The following CLSTN2 variants were observed in gnomAD, a reference collection of about 807,000 sequenced individuals.
The protein encoded by CLSTN2 is calsyntenin-2.
A neutral mutation model predicts 101.2 loss-of-function variants in CLSTN2; 48 were observed. That is an observed-to-expected ratio of 0.47 (90% CI 0.38 to 0.60). CLSTN2 has a LOEUF of 0.60. CLSTN2 is among the 20% of genes least tolerant of loss of function. CLSTN2 has a pLI of 0.00. For synonymous variants in CLSTN2, 481 were observed against 463.6 expected (o/e 1.04, Z -0.48); for missense variants, 1,160 against 1,238.2 (o/e 0.94, Z 0.95).
At chr3:140,381,768 A>G (rs1025066107) in intron 2 of CLSTN2, among the ~76,000 whole-genome samples, 1 of 152,240 alleles carries the variant, frequency 6.6e-6, no homozygotes, top group Non-Finnish European at 1.5e-5. Context: ...TGCCAGAAAC[A>G]GGCTGGTGAT....
At chr3:140,046,571 T>C (rs924898494) in intron 1 of CLSTN2, among the ~76,000 whole-genome samples, 7 of 152,364 alleles carry the variant, frequency 4.6e-5, no homozygotes, top group African/African-American at 1.2e-4. Context: ...GTTAGCTGGT[T>C]ATTTTGCTCG....
At chr3:140,154,553 C>T (rs545205591) in intron 1 of CLSTN2, among the ~76,000 whole-genome samples, 19 of 151,410 alleles carry the variant, frequency 1.3e-4, no homozygotes, top group South Asian at 6.3e-4. Flanking sequence ...GGGAGGCCTC[C>T]GGAAACTTAC....
chr3:140,086,822 G>T (rs2008690806), intron 1 of CLSTN2, among the ~76,000 whole-genome samples: 1 of 152,168 alleles, frequency 6.6e-6, no homozygotes, highest in Admixed American at 6.5e-5. Context: ...CTGTTTCACA[G>T]CTGTCTTTGA....
chr3:140,208,955 T>A (rs1365621364), intron 2 of CLSTN2, among the ~76,000 whole-genome samples: 3 of 152,184 alleles, frequency 2.0e-5, no homozygotes, highest in South Asian at 2.1e-4. Context: ...TCTGGCTATT[T>A]CACAGTCTGA....
In CLSTN2 at chr3:140,459,561, C is replaced by T. The variant is rs750329475; in HGVS notation, c.1014C>T (p.Ser338=). The T allele has an allele frequency of 2.8e-5, 45 of 1,613,940 alleles. No homozygotes were observed. Among genetic ancestry groups the T allele is most frequent in the South Asian group, 4.4e-5 (4 of 91,082 alleles). The part of the protein sequence containing the change: ...SGIIDLLPSP[S]AATNWTAGLL... ...TCATTGACCTCTTGCCATCCCCTAG[C>T]GCTGCCACCAACTGGACTGCAGGAC... The change falls in exon 7 of 17, where the codon AGC becomes AGT. Residue 338 remains serine (S), a synonymous_variant. Coordinates refer to ENST00000458420, the MANE Select transcript of CLSTN2 (RefSeq NM_022131.3).
chr3:140,165,063 C>G (rs918733118), intron 1 of CLSTN2, among the ~76,000 whole-genome samples: 7 of 152,126 alleles, frequency 4.6e-5, no homozygotes, highest in Non-Finnish European at 7.4e-5. Context: ...AGCCATCTGT[C>G]CTTCAAATAC....
intron 2 of CLSTN2, among the ~76,000 whole-genome samples, chr3:140,312,695 AC>A (rs1285022470): frequency 2.0e-5 from 3 of 152,218 alleles, no homozygotes; most frequent in African/African-American, 7.2e-5. Flanking sequence ...AGCAAAGTGA[AC>A]TCTGTAAAAC....
chr3:140,427,175 A>C (rs1217778205), intron 5 of CLSTN2, among the ~76,000 whole-genome samples: 10 of 53,752 alleles, frequency 1.9e-4, no homozygotes, highest in Non-Finnish European at 2.7e-4. Flanking sequence ...GACTGTCTCA[A>C]AAAAAAAAAA....
At chr3:140,141,970 AC>A (rs1369764165) in intron 1 of CLSTN2, among the ~76,000 whole-genome samples, 2 of 152,330 alleles carry the variant, frequency 1.3e-5, no homozygotes, top group East Asian at 3.9e-4. Flanking sequence ...AATAAAGAAA[AC>A]AAAAAATAAG....
chr3:140,357,002 C>A (rs1011553549), intron 2 of CLSTN2, among the ~76,000 whole-genome samples: 2 of 152,070 alleles, frequency 1.3e-5, no homozygotes, highest in Non-Finnish European at 2.9e-5. Flanking sequence ...AAGAAAGCAG[C>A]CCTGGGCCAC....
At chr3:140,144,924 T>G (rs1402995220) in intron 1 of CLSTN2, among the ~76,000 whole-genome samples, 1 of 152,192 alleles carries the variant, frequency 6.6e-6, no homozygotes, top group African/African-American at 2.4e-5. Context: ...GAAGAGTTAT[T>G]TCAACTCATA....
intron 9 of CLSTN2, among the ~76,000 whole-genome samples, chr3:140,540,176 A>C (rs1935445526): frequency 6.6e-6 from 1 of 152,244 alleles, no homozygotes; most frequent in Non-Finnish European, 1.5e-5. Context: ...CCACGAGTTT[A>C]GGTTCTCAAC....
intron 1 of CLSTN2, among the ~76,000 whole-genome samples, chr3:139,995,714 C>T (rs993594729): frequency 3.9e-5 from 6 of 151,970 alleles, no homozygotes; most frequent in Non-Finnish European, 5.9e-5. Context: ...ATTAAGGGGC[C>T]GCAGATCTAT....
intron 2 of CLSTN2, among the ~76,000 whole-genome samples, chr3:140,204,024 T>C (rs1383259052): frequency 6.6e-6 from 1 of 152,134 alleles, no homozygotes; most frequent in Non-Finnish European, 1.5e-5. Flanking sequence ...TTTCTTTCTG[T>C]CCCCCATTTT....
At chr3:140,331,420 C>T (rs140324091) in intron 2 of CLSTN2, among the ~76,000 whole-genome samples, 4 of 152,246 alleles carry the variant, frequency 2.6e-5, no homozygotes, top group African/African-American at 7.2e-5. Flanking sequence ...GAAACAACAC[C>T]AGCCATCTAG....
chr3:140,547,561 C>G (rs1229397313), intron 10 of CLSTN2, among the ~76,000 whole-genome samples: 1 of 152,116 alleles, frequency 6.6e-6, no homozygotes, highest in Non-Finnish European at 1.5e-5. Context: ...TAGAAATATT[C>G]AAGTGATCTC....
chr3:139,985,142 T>C (rs913433359), intron 1 of CLSTN2, among the ~76,000 whole-genome samples: 5 of 152,178 alleles, frequency 3.3e-5, no homozygotes, highest in African/African-American at 4.8e-5. Flanking sequence ...TCACTCTCCG[T>C]AGGCAATTCT....
intron 2 of CLSTN2, among the ~76,000 whole-genome samples, chr3:140,310,804 A>C (rs1386758914): frequency 1.3e-5 from 2 of 152,260 alleles, no homozygotes; most frequent in East Asian, 3.8e-4. Flanking sequence ...CAGAGCAAGC[A>C]CTAAATATTG....
At position 140,469,329 on chromosome 3, in the gene CLSTN2, C is replaced by T. The variant is rs962736412; in HGVS notation, c.1344+2598C>T. On this transcript the variant is annotated intron_variant, in intron 8 of 16. Coordinates refer to ENST00000458420, the MANE Select transcript of CLSTN2 (RefSeq NM_022131.3). ...CAGCTCACCTGCACAGCTGCCCTCC[C>T]TCTGAAGGGAACCACAGTGAGTAGG... 2.0e-5 allele frequency among the ~76,000 whole-genome samples: 3 copies of T among 152,200 alleles called. No homozygotes were observed. In the East Asian group the frequency reaches 5.8e-4, roughly 29 times the overall value.
Sources: gnomAD v4.1 joint callset for allele counts (sites outside exome capture counted in the v4.1 genomes callset) on GRCh38, gnomAD v4.1.1 for gene constraint, MANE v1.5 for transcripts, NCBI Gene and HGNC (gene_info 2026-07-23, HGNC 2026-07-21) for gene names.